The following PIEZO2 variants were observed in gnomAD, a reference collection of about 807,000 sequenced individuals.
PIEZO2 encodes the protein piezo-type mechanosensitive ion channel component 2.
A neutral mutation model predicts 337.3 loss-of-function variants in PIEZO2; 172 were observed. That is an observed-to-expected ratio of 0.51 (90% CI 0.45 to 0.58). The LOEUF (loss-of-function observed/expected upper bound fraction) is 0.58, where lower values mean the gene tolerates loss of function less well. Among genes scored for constraint, PIEZO2 ranks in the 20% least tolerant of loss-of-function variants. The pLI, the probability that PIEZO2 is intolerant of heterozygous loss-of-function variation, is 0.00. For missense variants in PIEZO2, 3,028 were observed against 3,391.3 expected, an observed-to-expected ratio of 0.89 and a Z score of 2.66; for synonymous variants, 1,251 against 1,228.5, an observed-to-expected ratio of 1.02 and a Z score of -0.38.
chr18:10,672,312 C>A lies in PIEZO2; in HGVS notation c.8345+378G>T, dbSNP rs139858689. 6.6e-6 allele frequency among the ~76,000 whole-genome samples: 1 copy of A among 152,112 alleles called. No homozygotes were observed. The highest frequency in any genetic ancestry group is 6.5e-5 in the Admixed American group (1 of 15,290). ...AGGATTTAAGCATCAGAACATGATG[C>A]GATGTTTCAGAAGTTCAAAAGCAGG... On this transcript the variant is annotated intron_variant, in intron 55 of 55. Coordinates refer to ENST00000674853, the MANE Select transcript of PIEZO2 (RefSeq NM_001378183.1). This position sits in a 1 kb window ranked among gnomAD's most constrained non-coding sequence, Gnocchi z 4.7.
intron 2 of PIEZO2, among the ~76,000 whole-genome samples, chr18:11,051,999 A>T (rs547313141): frequency 6.6e-6 from 1 of 152,350 alleles, no homozygotes; most frequent in African/African-American, 2.4e-5. Flanking sequence ...TCAATTTTTC[A>T]ATAGGAGAAA....
At chr18:10,701,845 T>TTTA in intron 43 of PIEZO2, 144 bp downstream of exon 43, 1 of 316,468 alleles carries the variant, frequency 3.2e-6, no homozygotes, top group Non-Finnish European at 4.9e-6. Context: ...TTTTTTTTTT[T>TTTA]AAAAAAAACA....
In PIEZO2 at chr18:10,695,821, CGTT is replaced by C. The variant is rs776710618; in HGVS notation, c.7190+250_7190+252del. Among the ~76,000 whole-genome samples, 5 of 152,136 alleles carry C rather than the reference CGTT, an allele frequency of 3.3e-5. No homozygotes were observed. In the East Asian group the frequency reaches 9.6e-4, roughly 29 times the overall value. On this transcript the variant is annotated intron_variant, in intron 47 of 55. Transcript: ENST00000674853. ...TTGTTCAGGTTATTAAGGCTGTCAC[CGTT>C]GTTATTTATAGAAACCTTATTTCTA...
rs555924825 is a variant in PIEZO2 at position 10,724,740 on chromosome 18, G to C, written c.5030-6481C>G. 1.0e-5 allele frequency: 16 copies of C among 1,536,732 alleles called. No individual in the cohort carries two copies. The highest frequency in any genetic ancestry group is 1.4e-5 in the African/African-American group (1 of 73,346). ...GAGATGGGCCACCACTGTACCCCTG[G>C]TCTCAGTCCCTGGCCTTGCCCGTGG... On this transcript the variant is annotated intron_variant, in intron 36 of 55. Transcript: ENST00000674853. This position sits in a 1 kb window ranked among gnomAD's most constrained non-coding sequence, Gnocchi z 5.8.
Position 10,993,778 on chromosome 18 carries a change from C to T in PIEZO2, c.161-14118G>A, listed in dbSNP as rs149896824. On this transcript the variant is annotated intron_variant, in intron 2 of 55. Coordinates refer to ENST00000674853, the MANE Select transcript of PIEZO2 (RefSeq NM_001378183.1). This position sits in a 1 kb window ranked among gnomAD's most constrained non-coding sequence, Gnocchi z 5.0. ...TCCTGACTTCGTGATCTGCCCGCTTCGGCCTCCCAAAGTGCTGGGATTACA... is the reference window on the plus strand; with the variant it reads ...TCCTGACTTCGTGATCTGCCCGCTTTGGCCTCCCAAAGTGCTGGGATTACA... Among the ~76,000 whole-genome samples the T allele has an allele frequency of 0.011, 1,696 of 152,242 alleles. 32 individuals are homozygous for T. Among genetic ancestry groups the T allele is most frequent in the African/African-American group, 0.038 (1,579 of 41,548 alleles).
chr18:10,931,583 A>C (rs1337392235), intron 3 of PIEZO2, among the ~76,000 whole-genome samples: 4 of 152,196 alleles, frequency 2.6e-5, no homozygotes, highest in Non-Finnish European at 4.4e-5. Flanking sequence ...ATATTCACTT[A>C]ATCATGAGTA....
At chr18:11,020,938 A>G (rs763951466) in intron 2 of PIEZO2, among the ~76,000 whole-genome samples, 3 of 152,238 alleles carry the variant, frequency 2.0e-5, no homozygotes, top group Non-Finnish European at 2.9e-5. Flanking sequence ...TCTCCCCCAT[A>G]AATCAAAGAA....
chr18:10,825,477 A>G (rs941285724), intron 7 of PIEZO2, among the ~76,000 whole-genome samples: 2 of 150,896 alleles, frequency 1.3e-5, no homozygotes, highest in Non-Finnish European at 2.9e-5. Context: ...AAGTTTGATC[A>G]CTTGGCTGAG....
In PIEZO2 at chr18:10,770,168, T is replaced by C; in HGVS notation, c.2926A>G (p.Ile976Val). 1.3e-6 allele frequency: 2 copies of C among 1,537,172 alleles called. No individual in the cohort carries two copies. Among genetic ancestry groups the C allele is most frequent in the Non-Finnish European group, 1.7e-6 (2 of 1,146,906 alleles). ...CTTGCCTCTTTCACAGAAACCCAGA[T>C]AATGTAAGAGGAAACGATTTTGATG... ...HIIKIVSSYI[I>V]WVSVKEVSLF... The change falls in exon 21 of 56, where the codon ATC (isoleucine) becomes GTC (valine). Residue 976 changes from isoleucine (I) to valine (V), a missense_variant. Around this residue, in one of 5 missense-constraint regions of PIEZO2, gnomAD observed 1,925 missense variants for 2,051.9 expected, o/e 0.94. Transcript: ENST00000674853.
At chr18:10,807,051 T>C in intron 8 of PIEZO2, 61 bp downstream of exon 8, 1 of 1,445,162 alleles carries the variant, frequency 6.9e-7, no homozygotes, top group Middle Eastern at 1.8e-4. Context: ...GAGTGAATCA[T>C]TTCACGTGGA....
chr18:10,893,019 T>C (rs1218478440), intron 4 of PIEZO2, among the ~76,000 whole-genome samples: 1 of 152,224 alleles, frequency 6.6e-6, no homozygotes, highest in Non-Finnish European at 1.5e-5. Context: ...CCTGGGGATT[T>C]CCCTAATAGA....
chr18:10,690,161 A>AGTTAGTAG (rs1205666456), intron 48 of PIEZO2, among the ~76,000 whole-genome samples: 1 of 152,000 alleles, frequency 6.6e-6, no homozygotes, highest in Non-Finnish European at 1.5e-5. Flanking sequence ...TTGCTGGATG[A>AGTTAGTAG]GTTAGTAGGG....
intron 4 of PIEZO2, among the ~76,000 whole-genome samples, chr18:10,873,647 A>G (rs2144801776): frequency 6.6e-6 from 1 of 152,286 alleles, no homozygotes; most frequent in African/African-American, 2.4e-5. Context: ...AACTACTGTT[A>G]TAAATAGAAT....
intron 2 of PIEZO2, among the ~76,000 whole-genome samples, chr18:11,018,302 AACTTGATTGC>A (rs1365564580): frequency 6.9e-6 from 1 of 145,786 alleles, no homozygotes; most frequent in African/African-American, 2.6e-5. Context: ...TCCTTTTCTT[AACTTGATTGC>A]ACCTGCAAAG....
At chr18:10,740,146 T>C (rs1392361991) in intron 33 of PIEZO2, 3 of 152,214 alleles carry the variant, frequency 2.0e-5, no homozygotes, top group East Asian at 3.8e-4. Flanking sequence ...CAATATTCTA[T>C]GAAATTTAAA....
chr18:11,122,926 A>G (rs922496338), intron 1 of PIEZO2, among the ~76,000 whole-genome samples: 3 of 150,984 alleles, frequency 2.0e-5, no homozygotes, highest in Non-Finnish European at 4.4e-5. Flanking sequence ...ATATCTATGT[A>G]TATGTTATAT....
intron 36 of PIEZO2, among the ~76,000 whole-genome samples, chr18:10,721,982 G>C (rs113818895): frequency 1.3e-5 from 2 of 151,752 alleles, no homozygotes; most frequent in South Asian, 2.1e-4. Flanking sequence ...GGTGAAACCC[G>C]GTCTCTACGA....
At chr18:11,066,401 G>C (rs1395265219) in intron 1 of PIEZO2, among the ~76,000 whole-genome samples, 179 bp from the exon 2 acceptor site, 1 of 152,146 alleles carries the variant, frequency 6.6e-6, no homozygotes. Context: ...TCATCACTGT[G>C]TTGAGCATGA....
intron 1 of PIEZO2, among the ~76,000 whole-genome samples, chr18:11,091,092 AAG>A (rs1329867355): frequency 1.3e-5 from 2 of 152,060 alleles, no homozygotes; most frequent in Non-Finnish European, 2.9e-5. Flanking sequence ...GAAATTTAAT[AAG>A]AAATATTCAG....
Sources: gnomAD v4.1 joint callset for allele counts (sites outside exome capture counted in the v4.1 genomes callset) on GRCh38, gnomAD v4.1.1 for gene constraint, gnomAD v4.1.1 regional missense constraint, Gnocchi (gnomAD v3.1) non-coding constraint, MANE v1.5 for transcripts, NCBI Gene and HGNC (gene_info 2026-07-23, HGNC 2026-07-21) for gene names.